Variants in APRT observed in about 807,000 individuals in gnomAD.
APRT encodes adenine phosphoribosyltransferase, also known as AMP diphosphorylase.
APRT carries 25 observed loss-of-function variants against 21.0 expected under a neutral mutation model. The ratio of observed to expected loss-of-function variants is 1.19; its 90% CI spans 0.87 to 1.66. The LOEUF is 1.66. APRT is among the 40% of genes most tolerant of loss of function. APRT has a pLI of 0.00. For synonymous variants in APRT, 153 were observed against 109.0 expected, an observed-to-expected ratio of 1.40 and a Z score of -2.52; for missense variants, 294 against 232.7, an observed-to-expected ratio of 1.26 and a Z score of -1.72.
Position 88,810,104 on chromosome 16 carries a change from CCT to C in APRT, c.364_365del (p.Arg122GlyfsTer6), listed in dbSNP as rs1190457678. ...IQKDALEPGQ[R>X]VVVVDDLLAT... ...CCAGCAGATCATCCACGACGACCAC[CCT>C]CTGTCCTGGCTCCAGGGCGTCTTTC... is the stretch of plus-strand genomic sequence containing the variant. On this transcript the variant is annotated frameshift_variant, in exon 4 of 5. Transcript: ENST00000378364. LOFTEE classifies it high-confidence loss of function. 6.2e-7 allele frequency: 1 copy of C among 1,613,304 alleles called. No individual in the cohort carries two copies. Among genetic ancestry groups the C allele is most frequent in the Non-Finnish European group, 8.5e-7 (1 of 1,179,994 alleles).
intron 2 of APRT, 28 bp from the exon 3 acceptor site, chr16:88,810,584 C>T (rs202116322): frequency 4.6e-5 from 74 of 1,607,324 alleles, no homozygotes; most frequent in Middle Eastern, 1.7e-4. Flanking sequence ...AGGAGTGACT[C>T]GGCAGCATGG....
Position 88,809,686 on chromosome 16 carries a change from G to A in APRT, c.*12C>T, listed in dbSNP as rs1227382792. On this transcript the variant is annotated 3_prime_UTR_variant, in exon 5 of 5. Coordinates refer to ENST00000378364, the MANE Select transcript of APRT (RefSeq NM_000485.3). ...GATCCAGCTGGAGATGTTGGGCTGG[G>A]AGGCCCTGTGGTCACTCATACTGCA... 6.2e-7 allele frequency: 1 copy of A among 1,613,266 alleles called. No homozygotes were observed. Among genetic ancestry groups the A allele is most frequent in the East Asian group, 2.2e-5 (1 of 44,890 alleles).
chr16:88,809,819 T>A lies in APRT; in HGVS notation c.422A>T (p.Glu141Val), dbSNP rs1909040857. Reference sequence around the variant, plus strand: ...CTCAGCCTGCAGGCGGCCCAGCAGCTCACAGGCAGCGTTCATGGTTCCTGG... The same window carrying A: ...CTCAGCCTGCAGGCGGCCCAGCAGCACACAGGCAGCGTTCATGGTTCCTGG... ...ATGGTMNAAC[E>V]LLGRLQAEVL... The change falls in exon 5 of 5, where the codon GAG becomes GTG. Residue 141 changes from glutamate (E) to valine (V), a missense_variant. Glu to Val is a moderately radical substitution (Grantham distance 121). Coordinates refer to ENST00000378364, the MANE Select transcript of APRT (RefSeq NM_000485.3). The A allele has an allele frequency of 1.9e-6, 3 of 1,612,546 alleles. No individual in the cohort carries two copies. In the East Asian group the frequency reaches 6.7e-5, roughly 36 times the overall value.
chr16:88,809,370 T>A lies in APRT; in HGVS notation c.*328A>T. On this transcript the variant is annotated 3_prime_UTR_variant, in exon 5 of 5. Coordinates refer to ENST00000378364, the MANE Select transcript of APRT (RefSeq NM_000485.3). Reference sequence around the variant, plus strand: ...AGGTGAGAACCAGGACAGGTTCTGCTGGGCATCACGCCAAGCAGCACATGC... The same window carrying A: ...AGGTGAGAACCAGGACAGGTTCTGCAGGGCATCACGCCAAGCAGCACATGC... 2.0e-6 allele frequency: 1 copy of A among 495,622 alleles called. No individual in the cohort carries two copies. Among genetic ancestry groups the A allele is most frequent in the Non-Finnish European group, 3.9e-6 (1 of 254,184 alleles). The allele number at this position is 495,622 out of a possible 1,614,324, so 30.7% of individuals were successfully genotyped here. A position where few individuals can be genotyped will look rare whatever the true frequency, so the allele number is the denominator to read the frequency against.
rs1441319199 is a variant in APRT at position 88,809,841 on chromosome 16, C to T, written c.401-1G>A. 6.2e-7 allele frequency: 1 copy of T among 1,611,326 alleles called. No homozygotes were observed. Among genetic ancestry groups the T allele is most frequent in the Admixed American group, 1.7e-5 (1 of 60,006 alleles). On this transcript the variant is annotated splice_acceptor_variant, in intron 4 of 4. Transcript: ENST00000378364. LOFTEE classifies it high-confidence loss of function. The stretch of plus-strand genomic sequence containing the variant: ...AGCTCACAGGCAGCGTTCATGGTTC[C>T]TGGGGATGGGAGGGTGAGGTCCCCA...
Position 88,809,462 on chromosome 16 carries a change from A to G in APRT, c.*236T>C, listed in dbSNP as rs1450223505. 1.5e-6 allele frequency: 1 copy of G among 669,722 alleles called. No individual in the cohort carries two copies. The highest frequency in any genetic ancestry group is 1.5e-5 in the South Asian group (1 of 66,764). 41.5% of individuals were successfully genotyped at this position (669,722 alleles called of 1,614,324 possible). A position where few individuals can be genotyped will look rare whatever the true frequency, so the allele number is the denominator to read the frequency against. On this transcript the variant is annotated 3_prime_UTR_variant, in exon 5 of 5. Transcript: ENST00000378364. Reference sequence around the variant, plus strand: ...GCCCTGGGGAACAGGAGGACAGGAGACGGCTCTTGTGGGAAAGCTGTTTAC... The same window carrying G: ...GCCCTGGGGAACAGGAGGACAGGAGGCGGCTCTTGTGGGAAAGCTGTTTAC...
intron 2 of APRT, among the ~76,000 whole-genome samples, chr16:88,810,819 AC>A (rs1909104429): frequency 6.6e-6 from 1 of 152,096 alleles, no homozygotes; most frequent in Non-Finnish European, 1.5e-5. Context: ...CCCATCTGTA[AC>A]TGGGCTGGTA....
rs1909020859 is a variant in APRT, at chr16:88,809,522, T to C, written c.*176A>G. On this transcript the variant is annotated 3_prime_UTR_variant, in exon 5 of 5. Coordinates refer to ENST00000378364, the MANE Select transcript of APRT (RefSeq NM_000485.3). ...CCGCTGTGTGTAATTGGGTTCAGTG[T>C]GGCTGAAACACAGCTTTGCCCCAGG... 2 of 1,020,836 alleles carry C rather than the reference T, an allele frequency of 2.0e-6. No homozygotes were observed. Among genetic ancestry groups the C allele is most frequent in the Non-Finnish European group, 3.0e-6 (2 of 674,064 alleles). 63.2% of individuals were successfully genotyped at this position (1,020,836 alleles called of 1,614,324 possible). A position where few individuals can be genotyped will look rare whatever the true frequency, so the allele number is the denominator to read the frequency against.
intron 2 of APRT, 22 bp from the exon 3 acceptor site, chr16:88,810,578 G>A (rs1222859630): frequency 1.2e-6 from 2 of 1,608,870 alleles, no homozygotes; most frequent in Admixed American, 1.7e-5. Flanking sequence ...AGTGACAGGA[G>A]TGACTCGGCA....
intron 2 of APRT, chr16:88,811,293 G>A: frequency 1.8e-6 from 1 of 561,848 alleles, no homozygotes; most frequent in Non-Finnish European, 3.1e-6. Flanking sequence ...ACTCCAGGGA[G>A]ACCAACTGAC....
In APRT at chr16:88,810,161, G is replaced by T. The variant is rs771403483; in HGVS notation, c.322-13C>A. ...TCTCCAGCTCAGCCTGGAGTGGGAA[G>T]TGGTGTGTGGTCCTCAGCCTCCCGC... On this transcript the variant is annotated splice_polypyrimidine_tract_variant and intron_variant, in intron 3 of 4. Coordinates refer to ENST00000378364, the MANE Select transcript of APRT (RefSeq NM_000485.3). 3 of 1,612,030 alleles carry T rather than the reference G, an allele frequency of 1.9e-6. No homozygotes were observed. Among genetic ancestry groups the T allele is most frequent in the Non-Finnish European group, 1.7e-6 (2 of 1,179,688 alleles).
Position 88,809,362 on chromosome 16 carries a change from G to C in APRT, c.*336C>G, listed in dbSNP as rs764741006. 3 of 482,620 alleles carry C rather than the reference G, an allele frequency of 6.2e-6. No homozygotes were observed. The highest frequency in any genetic ancestry group is 1.2e-5 in the Non-Finnish European group (3 of 246,494). The allele number at this position is 482,620 out of a possible 1,614,324, so 29.9% of individuals were successfully genotyped here. ...AGCTCCTGAGGTGAGAACCAGGACA[G>C]GTTCTGCTGGGCATCACGCCAAGCA... On this transcript the variant is annotated 3_prime_UTR_variant, in exon 5 of 5. Transcript: ENST00000378364.
chr16:88,809,926 G>T (rs1286968315), intron 4 of APRT, 86 bp from the exon 5 acceptor site: 1 of 1,584,302 alleles, frequency 6.3e-7, no homozygotes, highest in Admixed American at 1.7e-5. Context: ...GGGAGGGGAA[G>T]GCATGGGGAG....
At chr16:88,811,070 C>T (rs1221028484) in intron 2 of APRT, 8 of 280,980 alleles carry the variant, frequency 2.8e-5, no homozygotes. Flanking sequence ...AGGGAGTGGG[C>T]TGTCACACCC....
Position 88,809,655 on chromosome 16 carries a change from C to T in APRT, c.*43G>A. 6.2e-7 allele frequency: 1 copy of T among 1,612,632 alleles called. No individual in the cohort carries two copies. Among genetic ancestry groups the T allele is most frequent in the Non-Finnish European group, 8.5e-7 (1 of 1,179,776 alleles). On this transcript the variant is annotated 3_prime_UTR_variant, in exon 5 of 5. Coordinates refer to ENST00000378364, the MANE Select transcript of APRT (RefSeq NM_000485.3). The stretch of plus-strand genomic sequence containing the variant: ...CTGCAGTTGCCCAAGGCTGATATTT[C>T]CCTGGGATCCAGCTGGAGATGTTGG...
At chr16:88,810,633 AC>A (rs1909096570) in intron 2 of APRT, 77 bp from the exon 3 acceptor site, 1 of 1,551,378 alleles carries the variant, frequency 6.4e-7, no homozygotes, top group African/African-American at 1.4e-5. Context: ...GGCAAGGGGT[AC>A]CTGGTTGGCT....
rs756384230 is a variant in APRT at position 88,810,492 on chromosome 16, C to T, written c.252G>A (p.Val84=). ...GCAGCTTCCCCCGCTTTCGGATGAG[C>T]ACGCAGCCCAGTCCAAGCTCCTGGG... ...SLAQELGLGC[V]LIRKRGKLPG... is the part of the protein sequence containing the mutation. The change falls in exon 3 of 5, where the codon GTG becomes GTA. Residue 84 remains valine (V), a synonymous_variant. Transcript: ENST00000378364. 3.7e-6 allele frequency: 6 copies of T among 1,612,362 alleles called. No individual in the cohort carries two copies. Among genetic ancestry groups the T allele is most frequent in the Non-Finnish European group, 5.1e-6 (6 of 1,179,954 alleles).
In APRT at chr16:88,809,782, G is replaced by GCA. The variant is rs1567504426; in HGVS notation, c.457_458dup (p.Val154AlafsTer2). 1 of 1,613,182 alleles carries GCA rather than the reference G, an allele frequency of 6.2e-7. No homozygotes were observed. The highest frequency in any genetic ancestry group is 8.5e-7 in the Non-Finnish European group (1 of 1,179,996). On this transcript the variant is annotated frameshift_variant, in exon 5 of 5. Transcript: ENST00000378364. LOFTEE classifies it high-confidence loss of function. ...GCGAGGTCAGCTCCACCAGGCTCACGCACTCCAGGACCTCAGCCTGCAGGC... is the reference window on the plus strand; with the variant it reads ...GCGAGGTCAGCTCCACCAGGCTCACGCACACTCCAGGACCTCAGCCTGCAGGC...
rs1909015299 is a variant in APRT at position 88,809,449 on chromosome 16, AG to A, written c.*248del. On this transcript the variant is annotated 3_prime_UTR_variant, in exon 5 of 5. Coordinates refer to ENST00000378364, the MANE Select transcript of APRT (RefSeq NM_000485.3). The stretch of plus-strand genomic sequence containing the variant: ...CCTGGGGCTCCCTGCCCTGGGGAAC[AG>A]GAGGACAGGAGACGGCTCTTGTGGG... 1 of 629,370 alleles carries A rather than the reference AG, an allele frequency of 1.6e-6. No individual in the cohort carries two copies. The highest frequency in any genetic ancestry group is 1.8e-5 in the African/African-American group (1 of 55,022). 39.0% of individuals were successfully genotyped at this position (629,370 alleles called of 1,614,324 possible).
Sources: allele counts gnomAD v4.1 joint callset (sites outside exome capture counted in the v4.1 genomes callset), GRCh38; gene constraint gnomAD v4.1.1; transcripts MANE v1.5; gene names NCBI Gene and HGNC (gene_info 2026-07-23, HGNC 2026-07-21).